The following RAB38 variants were observed in gnomAD, a reference collection of about 807,000 sequenced individuals.
The protein encoded by RAB38 is ras-related protein Rab-38.
In RAB38, 15 loss-of-function variants were observed where a neutral mutation model predicts 18.4. The ratio of observed to expected loss-of-function variants is 0.82; its 90% confidence interval spans 0.55 to 1.26. The LOEUF (loss-of-function observed/expected upper bound fraction) is 1.26. Ranked by LOEUF, RAB38 falls within the 50% of genes most tolerant of loss-of-function variation. The probability of loss-of-function intolerance (pLI) is 0.00; values close to 1 mark genes in which losing one functional copy is unlikely to be tolerated. For synonymous variants in RAB38, 101 were observed against 104.4 expected, an observed-to-expected ratio of 0.97 and a Z score of 0.20; for missense variants, 294 against 267.4, an observed-to-expected ratio of 1.10 and a Z score of -0.69.
intron 1 of RAB38, among the ~76,000 whole-genome samples, chr11:88,161,027 G>C (rs1183548370): frequency 6.6e-6 from 1 of 151,984 alleles, no homozygotes; most frequent in Non-Finnish European, 1.5e-5. Context: ...ATCTCCATTA[G>C]AATCCACTAT....
At chr11:88,043,225 C>T in the RAB38 span, among the ~76,000 whole-genome samples, 4 of 152,110 alleles carry the variant, frequency 2.6e-5, no homozygotes. Context: ...AAATAAATGG[C>T]AACACTCTCA....
chr11:88,091,380 C>A, the RAB38 span, among the ~76,000 whole-genome samples: 1 of 151,966 alleles, frequency 6.6e-6, no homozygotes, highest in Admixed American at 6.6e-5. Flanking sequence ...TGGCCACATG[C>A]CCTTCCCCTC....
chr11:88,004,487 G>GTT, the RAB38 span, among the ~76,000 whole-genome samples: 2 of 151,040 alleles, frequency 1.3e-5, no homozygotes. Context: ...ATATCATAAA[G>GTT]GACAACTATG....
At chr11:87,929,877 CT>C in the RAB38 span, among the ~76,000 whole-genome samples, 1 of 151,998 alleles carries the variant, frequency 6.6e-6, no homozygotes, top group African/African-American at 2.4e-5. Context: ...ATCCATGTCC[CT>C]ACAAAGGACA....
chr11:88,021,761 T>C, the RAB38 span, among the ~76,000 whole-genome samples: 1 of 148,058 alleles, frequency 6.8e-6, no homozygotes, highest in Non-Finnish European at 1.5e-5. Context: ...TTTGTATTTT[T>C]AGTAGAGGCA....
chr11:87,850,714 C>CCACACACACA, the RAB38 span, among the ~76,000 whole-genome samples: 432 of 146,506 alleles, frequency 2.9e-3, 4 homozygotes, highest in African/African-American at 0.01. Context: ...CACAACACTG[C>CCACACACACA]CACACACACA....
the RAB38 span, among the ~76,000 whole-genome samples, chr11:88,096,708 A>C: frequency 6.6e-6 from 1 of 151,972 alleles, no homozygotes; most frequent in Non-Finnish European, 1.5e-5. Flanking sequence ...AGCAAGCAAG[A>C]AAGGGGCCAG....
the RAB38 span, among the ~76,000 whole-genome samples, chr11:87,836,037 C>T: frequency 3.3e-5 from 5 of 152,108 alleles, no homozygotes; most frequent in South Asian, 2.1e-4. Context: ...AAAATATCTA[C>T]ATAATATACA....
At chr11:87,939,389 C>T in the RAB38 span, among the ~76,000 whole-genome samples, 1 of 88,832 alleles carries the variant, frequency 1.1e-5, no homozygotes, top group Non-Finnish European at 2.7e-5. Flanking sequence ...TACACACACA[C>T]ACACACACAC....
At chr11:88,025,765 G>C in the RAB38 span, among the ~76,000 whole-genome samples, 1 of 152,030 alleles carries the variant, frequency 6.6e-6, no homozygotes, top group African/African-American at 2.4e-5. Flanking sequence ...ATAGAGTCTG[G>C]ATATTAGACA....
chr11:88,004,094 T>C, the RAB38 span, among the ~76,000 whole-genome samples: 27 of 145,588 alleles, frequency 1.9e-4, no homozygotes, highest in Non-Finnish European at 3.6e-4. Context: ...TCAGGTCCTT[T>C]ACTAATTTTA....
At chr11:88,144,285 T>C (rs761268463) in intron 2 of RAB38, among the ~76,000 whole-genome samples, 1 of 152,200 alleles carries the variant, frequency 6.6e-6, no homozygotes, top group Non-Finnish European at 1.5e-5. Context: ...AGTGGAGGTA[T>C]ATCTTATAAC....
chr11:87,947,776 T>G, the RAB38 span, among the ~76,000 whole-genome samples: 2 of 152,144 alleles, frequency 1.3e-5, no homozygotes, highest in Admixed American at 1.3e-4. Flanking sequence ...ACCATGCTGT[T>G]TTGGTTTGGT....
the RAB38 span, among the ~76,000 whole-genome samples, chr11:88,055,996 G>A: frequency 6.6e-6 from 1 of 151,280 alleles, no homozygotes; most frequent in East Asian, 2.0e-4. Context: ...TGCCATTTTA[G>A]AATGCATGTA....
intron 1 of RAB38, among the ~76,000 whole-genome samples, chr11:88,150,181 T>C (rs1454346432): frequency 6.6e-6 from 1 of 152,198 alleles, no homozygotes; most frequent in Non-Finnish European, 1.5e-5. Flanking sequence ...GAAATTTCTG[T>C]GTACCATGTA....
chr11:88,080,272 A>G, the RAB38 span, among the ~76,000 whole-genome samples: 2 of 151,852 alleles, frequency 1.3e-5, no homozygotes, highest in Admixed American at 1.3e-4. Flanking sequence ...ACAATTAGAA[A>G]TTTAACTTTT....
At chr11:87,933,222 C>A in the RAB38 span, among the ~76,000 whole-genome samples, 1 of 152,142 alleles carries the variant, frequency 6.6e-6, no homozygotes, top group African/African-American at 2.4e-5. Context: ...GATGCTACAA[C>A]ATGGCTTTAT....
the RAB38 span, among the ~76,000 whole-genome samples, chr11:87,972,060 G>A: frequency 6.6e-6 from 1 of 151,962 alleles, no homozygotes. Flanking sequence ...TTCCTTCAGA[G>A]AAAATTCAGT....
the RAB38 span, among the ~76,000 whole-genome samples, chr11:87,849,615 C>T: frequency 6.6e-6 from 1 of 152,038 alleles, no homozygotes; most frequent in Non-Finnish European, 1.5e-5. Flanking sequence ...ATATCTCACC[C>T]CTCCTTCCTG....
Sources: allele counts gnomAD v4.1 joint callset (sites outside exome capture counted in the v4.1 genomes callset), GRCh38; gene constraint gnomAD v4.1.1; transcripts MANE v1.5; gene names NCBI Gene and HGNC (gene_info 2026-07-23, HGNC 2026-07-21).